CYTH2: variants seen among roughly 807,000 people sequenced by gnomAD.
CYTH2 encodes cytohesin-2.
A neutral mutation model predicts 55.4 loss-of-function variants in CYTH2; 24 were observed. The observed-to-expected ratio is 0.43, with a 90% CI of 0.31 to 0.61. The LOEUF (loss-of-function observed/expected upper bound fraction) is 0.61. Ranked by LOEUF, CYTH2 falls within the 20% of genes least tolerant of loss-of-function variation. The pLI is 0.08. For missense variants in CYTH2, 378 were observed against 533.5 expected (o/e 0.71, Z 2.87); for synonymous variants, 221 against 209.6 (o/e 1.05, Z -0.47).
intron 1 of CYTH2, chr19:48,469,913 A>T: frequency 1.8e-6 from 1 of 566,024 alleles, no homozygotes; most frequent in Non-Finnish European, 3.5e-6. Context: ...CCACCTTCCC[A>T]ACTCTCCTGA....
chr19:48,477,829 A>T, intron 8 of CYTH2: 1 of 511,680 alleles, frequency 2.0e-6, no homozygotes, highest in Non-Finnish European at 3.5e-6. Flanking sequence ...CTGGGGGCTC[A>T]GGCTCCTGGG....
chr19:48,472,471 G>GCCCCCCCCACC, intron 4 of CYTH2, 28 bp downstream of exon 4: 1 of 1,584,682 alleles, frequency 6.3e-7, no homozygotes, highest in Non-Finnish European at 8.6e-7. Context: ...CTCCTGTGGG[G>GCCCCCCCCACC]CCCCTCCCTC....
chr19:48,475,024 G>A lies in CYTH2; in HGVS notation c.808+75G>A, dbSNP rs560694132. 83 of 1,302,322 alleles carry A rather than the reference G, an allele frequency of 6.4e-5. 1 individual carries two copies. The highest frequency in any genetic ancestry group is 5.8e-4 in the African/African-American group (39 of 67,522). The allele number at this position is 1,302,322 out of a possible 1,614,324, so 80.7% of individuals were successfully genotyped here. Reference sequence around the variant, plus strand: ...GGCCTGGGCCCTGGACTCAGCTTCCGCACACACCTGCTGCCTGAACTGAGG... The same window carrying A: ...GGCCTGGGCCCTGGACTCAGCTTCCACACACACCTGCTGCCTGAACTGAGG... On this transcript the variant is annotated intron_variant, in intron 8 of 11. Coordinates refer to ENST00000452733, the MANE Select transcript of CYTH2 (RefSeq NM_004228.7).
intron 4 of CYTH2, 88 bp from the exon 5 acceptor site, chr19:48,473,210 G>C: frequency 7.0e-7 from 1 of 1,424,956 alleles, no homozygotes; most frequent in Non-Finnish European, 9.9e-7. Context: ...GTGCAGTAGA[G>C]GGGGCACGAC....
rs377606573 is a variant in CYTH2 at position 48,478,429 on chromosome 19, C to G, written c.958-9C>G. On this transcript the variant is annotated splice_polypyrimidine_tract_variant and intron_variant, in intron 10 of 11. Coordinates refer to ENST00000452733, the MANE Select transcript of CYTH2 (RefSeq NM_004228.7). Reference sequence around the variant, plus strand: ...GTTCTTACCTGCGCCCTTCCTCTCTCGTCCCCAGAACTGCTTTGAACTTTA... The same window carrying G: ...GTTCTTACCTGCGCCCTTCCTCTCTGGTCCCCAGAACTGCTTTGAACTTTA... 2 of 1,613,424 alleles carry G rather than the reference C, an allele frequency of 1.2e-6. No individual in the cohort carries two copies. Among genetic ancestry groups the G allele is most frequent in the African/African-American group, 1.3e-5 (1 of 75,056 alleles).
rs1256442620 is a variant in CYTH2 at position 48,471,220 on chromosome 19, G to T, written c.234+551G>T. Among the ~76,000 whole-genome samples the T allele has an allele frequency of 1.3e-4, 19 of 144,300 alleles. No homozygotes were observed. In the East Asian group the frequency reaches 3.8e-3, roughly 29 times the overall value. 94.7% of individuals were successfully genotyped at this position (144,300 alleles called of 152,430 possible). A position where few individuals can be genotyped will look rare whatever the true frequency, so the allele number is the denominator to read the frequency against. ...TCTATCACCCAGGCTGGAGTGCAGC[G>T]ATGTGATCTCGGCTCACTAACCTCC... On this transcript the variant is annotated intron_variant, in intron 3 of 11. Coordinates refer to ENST00000452733, the MANE Select transcript of CYTH2 (RefSeq NM_004228.7).
rs1971876236 is a variant in CYTH2 at position 48,474,786 on chromosome 19, C to T, written c.697-52C>T. ...TCTCGCTGCCCCCCACCCTGAGTAACCCTGGGGGGCCCCAGGGGGCTCGAA... is the reference window on the plus strand; with the variant it reads ...TCTCGCTGCCCCCCACCCTGAGTAATCCTGGGGGGCCCCAGGGGGCTCGAA... On this transcript the variant is annotated intron_variant, in intron 7 of 11. Coordinates refer to ENST00000452733, the MANE Select transcript of CYTH2 (RefSeq NM_004228.7). The surrounding 1 kb of genome is among the most constrained non-coding windows in gnomAD (Gnocchi z 4.9). 1 of 1,570,750 alleles carries T rather than the reference C, an allele frequency of 6.4e-7. No individual in the cohort carries two copies. The highest frequency in any genetic ancestry group is 1.4e-5 in the African/African-American group (1 of 74,024).
Position 48,469,461 on chromosome 19 carries a change from C to CG in CYTH2, c.-46dup. 1 of 1,319,568 alleles carries CG rather than the reference C, an allele frequency of 7.6e-7. No individual in the cohort carries two copies. The highest frequency in any genetic ancestry group is 9.7e-7 in the Non-Finnish European group (1 of 1,025,950). 81.7% of individuals were successfully genotyped at this position (1,319,568 alleles called of 1,614,324 possible). The stretch of plus-strand genomic sequence containing the variant: ...CCGCGGGCCAACGCGGATCCAGGCC[C>CG]GACTGGCGGGACCGCCCCGGATTCC... On this transcript the variant is annotated 5_prime_UTR_variant, in exon 1 of 12. Coordinates refer to ENST00000452733, the MANE Select transcript of CYTH2 (RefSeq NM_004228.7).
At chr19:48,471,667 G>T (rs1239235315) in intron 3 of CYTH2, among the ~76,000 whole-genome samples, 1 of 152,210 alleles carries the variant, frequency 6.6e-6, no homozygotes, top group Non-Finnish European at 1.5e-5. Context: ...CCAGGGCTTC[G>T]AGTTCACAGC....
chr19:48,473,236 C>T, intron 4 of CYTH2, 62 bp from the exon 5 acceptor site: 2 of 1,558,986 alleles, frequency 1.3e-6, no homozygotes, highest in Admixed American at 1.7e-5. Context: ...CAGGGCATTG[C>T]CCTTTGCCCA....
In CYTH2 at chr19:48,474,889, G is replaced by A; in HGVS notation, c.748G>A (p.Gly250Arg). Residue 250 changes from glycine to arginine, a missense_variant, in exon 8 of 12, where the codon GGG becomes AGG. Gly to Arg is a moderately radical substitution (Grantham distance 125). Coordinates refer to ENST00000452733, the MANE Select transcript of CYTH2 (RefSeq NM_004228.7). This position sits in a 1 kb window ranked among gnomAD's most constrained non-coding sequence, Gnocchi z 4.9. Reference sequence around the variant, plus strand: ...GCCCTTCAAGATTCCTGAGGATGACGGGAATGACCTGACCCACACCTTCTT... The same window carrying A: ...GCCCTTCAAGATTCCTGAGGATGACAGGAATGACCTGACCCACACCTTCTT... The part of the protein sequence containing the change: ...NEPFKIPEDD[G>R]NDLTHTFFNP... 1 of 1,614,178 alleles carries A rather than the reference G, an allele frequency of 6.2e-7. No homozygotes were observed. Among genetic ancestry groups the A allele is most frequent in the Non-Finnish European group, 8.5e-7 (1 of 1,180,034 alleles).
Position 48,479,497 on chromosome 19 carries a change from G to T in CYTH2, c.*287G>T. On this transcript the variant is annotated 3_prime_UTR_variant, in exon 12 of 12. Transcript: ENST00000452733. ...CCCGCCTGTCTCTGGGTGCTGCCTG[G>T]GCTGTCCCGGTGGGTCTGTTCTGGT... 2.2e-6 allele frequency: 1 copy of T among 457,950 alleles called. No individual in the cohort carries two copies. Among genetic ancestry groups the T allele is most frequent in the African/African-American group, 2.0e-5 (1 of 51,020 alleles). 28.4% of individuals were successfully genotyped at this position (457,950 alleles called of 1,614,324 possible).
At chr19:48,475,382 G>T (rs753279390) in intron 8 of CYTH2, 26 of 162,674 alleles carry the variant, frequency 1.6e-4, no homozygotes, top group Non-Finnish European at 3.1e-4. Flanking sequence ...CGCACTCCGA[G>T]GCATCAGGCC....
chr19:48,470,415 G>T lies in CYTH2; in HGVS notation c.82G>T (p.Glu28Ter). Residue 28 changes from glutamate (E) to a stop codon, truncating the protein, a stop_gained, in exon 2 of 12, where the codon GAG becomes TAG. Transcript: ENST00000452733. LOFTEE classifies it high-confidence loss of function. ...ELENIRRRKQ[E>*]LLVEIQRLRE... is the part of the protein sequence containing the mutation. ...GGAGAACATCCGGCGGCGGAAGCAG[G>T]AGCTGCTGGTGGAGATTCAGCGCCT... 1 of 1,614,064 alleles carries T rather than the reference G, an allele frequency of 6.2e-7. No homozygotes were observed. The highest frequency in any genetic ancestry group is 1.1e-5 in the South Asian group (1 of 91,082).
At chr19:48,469,765 G>A in intron 1 of CYTH2, 4 of 676,894 alleles carry the variant, frequency 5.9e-6, no homozygotes, top group South Asian at 5.8e-5. Context: ...GCGGGATGGA[G>A]TGGTGGAGGC....
chr19:48,470,559 A>G, intron 2 of CYTH2, 44 bp from the exon 3 acceptor site: 1 of 1,614,094 alleles, frequency 6.2e-7, no homozygotes, highest in Non-Finnish European at 8.5e-7. Flanking sequence ...AGGGATGCCC[A>G]GGCATTGACC....
chr19:48,478,122 C>T lies in CYTH2; in HGVS notation c.862C>T (p.Leu288Phe), dbSNP rs1362435949. The change falls in exon 9 of 12, where the codon CTC becomes TTC. Residue 288 changes from leucine to phenylalanine, a missense_variant. Physicochemically the swap from Leu to Phe is conservative, Grantham distance 22. Transcript: ENST00000452733. ...RRWFILTDNC[L>F]YYFEYTTDKE... The stretch of plus-strand genomic sequence containing the variant: ...CTGGTTTATCCTCACAGACAACTGC[C>T]TCTACTACTTTGAGTACACCACGGT... 6.2e-7 allele frequency: 1 copy of T among 1,614,152 alleles called. No individual in the cohort carries two copies. Among genetic ancestry groups the T allele is most frequent in the East Asian group, 2.2e-5 (1 of 44,878 alleles).
Position 48,474,325 on chromosome 19 carries a change from C to T in CYTH2, c.691C>T (p.Leu231Phe), listed in dbSNP as rs1286314090. 6.3e-7 allele frequency: 1 copy of T among 1,599,284 alleles called. No individual in the cohort carries two copies. Among genetic ancestry groups the T allele is most frequent in the Non-Finnish European group, 8.5e-7 (1 of 1,172,676 alleles). ...NEGGDLPEEL[L>F]RNLYDSIRNE... Reference sequence around the variant, plus strand: ...GGGCGGGGACCTGCCTGAGGAGCTGCTCAGGGTCAGTCCCCCTTCCCTGCC... The same window carrying T: ...GGGCGGGGACCTGCCTGAGGAGCTGTTCAGGGTCAGTCCCCCTTCCCTGCC... The change falls in exon 7 of 12, where the codon CTC becomes TTC. Residue 231 changes from leucine (L) to phenylalanine (F), a missense_variant. By Grantham distance (22) the Leu-to-Phe change is conservative. Transcript: ENST00000452733. This position sits in a 1 kb window ranked among gnomAD's most constrained non-coding sequence, Gnocchi z 4.9.
At chr19:48,470,734 C>T (rs990551730) in intron 3 of CYTH2, 65 bp downstream of exon 3, 64 of 1,583,186 alleles carry the variant, frequency 4.0e-5, no homozygotes, top group Non-Finnish European at 4.9e-5. Flanking sequence ...CTGGCACCTC[C>T]GGGTTCCAGA....
Sources: allele counts gnomAD v4.1 joint callset (sites outside exome capture counted in the v4.1 genomes callset), GRCh38; gene constraint gnomAD v4.1.1; non-coding constraint Gnocchi (gnomAD v3.1); transcripts MANE v1.5; gene names NCBI Gene and HGNC (gene_info 2026-07-23, HGNC 2026-07-21).